The following SSUH2 variants were observed in gnomAD, a reference collection of about 807,000 sequenced individuals.
The protein encoded by SSUH2 is protein SSUH2 homolog.
Under a neutral mutation model 55.3 loss-of-function variants are expected in SSUH2, and 47 were observed. The observed-to-expected ratio is 0.85, with a 90% CI of 0.67 to 1.08. The LOEUF is 1.08. Ranked by LOEUF, SSUH2 falls within the 50% of genes least tolerant of loss-of-function variation. SSUH2 has a pLI of 0.00. For missense variants in SSUH2, 535 were observed against 490.7 expected, an observed-to-expected ratio of 1.09 and a Z score of -0.85; for synonymous variants, 212 against 191.5, an observed-to-expected ratio of 1.11 and a Z score of -0.89.
intron 2 of SSUH2, among the ~76,000 whole-genome samples, chr3:8,679,059 G>GT (rs1486061614): frequency 2.9e-5 from 3 of 104,900 alleles, no homozygotes; most frequent in African/African-American, 6.5e-5. Flanking sequence ...AGGGGAGGAA[G>GT]CACCCCCCGC....
intron 1 of SSUH2, among the ~76,000 whole-genome samples, chr3:8,680,297 G>A (rs756281051): frequency 2.6e-5 from 4 of 152,156 alleles, no homozygotes; most frequent in Admixed American, 2.0e-4. Context: ...CCATGCTGTG[G>A]TGACTGAAAG....
At chr3:8,668,553 T>A (rs1276283930) in intron 5 of SSUH2, among the ~76,000 whole-genome samples, 3 of 152,230 alleles carry the variant, frequency 2.0e-5, no homozygotes, top group African/African-American at 7.2e-5. Context: ...AAAGACATCA[T>A]CAACTTAAGG....
chr3:8,661,548 C>A (rs1463851342), intron 6 of SSUH2, among the ~76,000 whole-genome samples: 3 of 152,202 alleles, frequency 2.0e-5, no homozygotes, highest in African/African-American at 7.2e-5. Context: ...AGTCAGCCTG[C>A]CTGTTTCATG....
At chr3:8,672,529 C>A (rs866586084) in intron 3 of SSUH2, among the ~76,000 whole-genome samples, 2 of 152,080 alleles carry the variant, frequency 1.3e-5, no homozygotes, top group Non-Finnish European at 2.9e-5. Flanking sequence ...ACACCCCCTG[C>A]CATATTGGGA....
chr3:8,631,230 C>T (rs1280839190), intron 5 of SSUH2, among the ~76,000 whole-genome samples: 1 of 152,044 alleles, frequency 6.6e-6, no homozygotes, highest in East Asian at 1.9e-4. Context: ...AGTCATGGCA[C>T]CTACCATACA....
At chr3:8,651,744 T>C (rs1250266675) in intron 7 of SSUH2, among the ~76,000 whole-genome samples, 4 of 152,176 alleles carry the variant, frequency 2.6e-5, no homozygotes, top group Admixed American at 2.6e-4. Context: ...GCCTCCCATC[T>C]AATGTCAACT....
intron 5 of SSUH2, among the ~76,000 whole-genome samples, chr3:8,665,358 T>C (rs1703898535): frequency 6.6e-6 from 1 of 152,148 alleles, no homozygotes; most frequent in South Asian, 2.1e-4. Flanking sequence ...CGGTCATCTT[T>C]TAATTTTCGC....
intron 1 of SSUH2, among the ~76,000 whole-genome samples, chr3:8,636,318 T>A (rs1183065003): frequency 6.6e-6 from 1 of 152,076 alleles, no homozygotes; most frequent in African/African-American, 2.4e-5. Context: ...GGAGGGACCA[T>A]GAGGAGACCC....
chr3:8,633,471 C>T (rs989069287), intron 4 of SSUH2, among the ~76,000 whole-genome samples, 195 bp downstream of exon 4: 1 of 152,188 alleles, frequency 6.6e-6, no homozygotes, highest in Admixed American at 6.5e-5. Context: ...GACACTTGTT[C>T]TTTTTATTAT....
intron 6 of SSUH2, among the ~76,000 whole-genome samples, chr3:8,660,876 G>A (rs1043369083): frequency 3.9e-5 from 6 of 152,252 alleles, no homozygotes; most frequent in Middle Eastern, 3.4e-3. Context: ...CCTGTTCTCC[G>A]TATCAGTCTC....
upstream of SSUH2, among the ~76,000 whole-genome samples, chr3:8,647,862 G>T (rs952377569): frequency 6.6e-6 from 1 of 152,224 alleles, no homozygotes; most frequent in Admixed American, 6.5e-5. Context: ...TCTGCAGGCT[G>T]GGTGGATGGA....
At chr3:8,678,696 C>T (rs1248989363) in intron 2 of SSUH2, among the ~76,000 whole-genome samples, 5 of 40,496 alleles carry the variant, frequency 1.2e-4, no homozygotes, top group Non-Finnish European at 2.5e-4. Context: ...AGCCACTCTT[C>T]CCCTCCTGGG....
intron 9 of SSUH2, 109 bp from the exon 10 acceptor site, chr3:8,625,756 G>A (rs1161451534): frequency 7.0e-6 from 5 of 716,278 alleles, no homozygotes; most frequent in East Asian, 5.2e-5. Flanking sequence ...CTACTGGAGG[G>A]ACCTTGCAAC....
At position 8,657,592 on chromosome 3, in the gene SSUH2, C is replaced by T. The variant is rs536657145; in HGVS notation, c.-307+1333G>A. Among the ~76,000 whole-genome samples, 4 of 152,108 alleles carry T rather than the reference C, an allele frequency of 2.6e-5. 1 individual carries two copies. Among genetic ancestry groups the T allele is most frequent in the African/African-American group, 7.2e-5 (3 of 41,486 alleles). ...ATCAGGAAAGGCTGCCTGGAGGAGG[C>T]GAGGCTGACACTGGGCACTGAAGGA... is the stretch of plus-strand genomic sequence containing the variant. On this transcript the variant is annotated intron_variant, in intron 7 of 18. Coordinates refer to the SSUH2 transcript ENST00000317371.
chr3:8,630,676 C>G, intron 6 of SSUH2, 129 bp downstream of exon 6: 2 of 847,338 alleles, frequency 2.4e-6, no homozygotes. Context: ...TTATTTATAA[C>G]CAACAAATGA....
intron 1 of SSUH2, among the ~76,000 whole-genome samples, chr3:8,680,999 T>C (rs1335402446): frequency 2.0e-5 from 3 of 151,238 alleles, no homozygotes; most frequent in African/African-American, 4.8e-5. Flanking sequence ...AGGACCCCCA[T>C]CGCAGTGGGG....
At chr3:8,655,867 C>G (rs1469667769) in intron 7 of SSUH2, among the ~76,000 whole-genome samples, 2 of 152,198 alleles carry the variant, frequency 1.3e-5, no homozygotes, top group African/African-American at 2.4e-5. Flanking sequence ...AAAACCCGCT[C>G]TGTTCTATCC....
chr3:8,625,406 A>G, intron 10 of SSUH2, 136 bp downstream of exon 10: 1 of 598,814 alleles, frequency 1.7e-6, no homozygotes, highest in South Asian at 2.1e-5. Flanking sequence ...AGCCTTATCC[A>G]TGTCTGGGGA....
chr3:8,663,505 C>A (rs1703697920), intron 6 of SSUH2, among the ~76,000 whole-genome samples: 1 of 150,612 alleles, frequency 6.6e-6, no homozygotes, highest in Admixed American at 6.7e-5. Context: ...CAGAAAAACA[C>A]AGAGAAAATT....
Sources: allele counts gnomAD v4.1 joint callset (sites outside exome capture counted in the v4.1 genomes callset), GRCh38; gene constraint gnomAD v4.1.1; transcripts MANE v1.5; gene names NCBI Gene and HGNC (gene_info 2026-07-23, HGNC 2026-07-21).